FBXL13: variants seen among roughly 807,000 people sequenced by gnomAD.
FBXL13 encodes the protein F-box and leucine rich repeat protein 13, also known as F-box and leucine-rich repeat protein 13.
FBXL13 carries 67 observed loss-of-function variants against 83.6 expected under a neutral mutation model. The observed-to-expected ratio is 0.80, with a 90% CI of 0.66 to 0.98. FBXL13 has a LOEUF of 0.98. Among genes scored for constraint, FBXL13 ranks in the 50% least tolerant of loss-of-function variants. FBXL13 has a pLI of 0.00. For missense variants in FBXL13, 822 were observed against 866.5 expected, an observed-to-expected ratio of 0.95 and a Z score of 0.64; for synonymous variants, 272 against 299.5, an observed-to-expected ratio of 0.91 and a Z score of 0.95.
At chr7:102,934,593 CAGGG>C (rs752043474) in intron 8 of FBXL13, 3 of 1,614,116 alleles carry the variant, frequency 1.9e-6, no homozygotes, top group Non-Finnish European at 2.5e-6. Flanking sequence ...CCCCAAGTGT[CAGGG>C]AGACCCCCAG....
rs201535349 is a variant in FBXL13 at position 102,863,448 on chromosome 7, C to CT, written c.1636-8589dup. 1.7e-3 allele frequency among the ~76,000 whole-genome samples: 255 copies of CT among 146,198 alleles called. 2 individuals are homozygous for CT. The highest frequency in any genetic ancestry group is 6.3e-3 in the African/African-American group (248 of 39,648). ...AAACATAAGAAGGCTTCTTTCATGC[C>CT]TTTTTAATTTGTTTTTAAGGATAAA... is the stretch of plus-strand genomic sequence containing the variant. On this transcript the variant is annotated intron_variant, in intron 16 of 19. Transcript: ENST00000313221.
At chr7:102,921,595 G>T (rs1052773431) in intron 10 of FBXL13, among the ~76,000 whole-genome samples, 4 of 151,462 alleles carry the variant, frequency 2.6e-5, no homozygotes, top group African/African-American at 9.7e-5. Context: ...CAGGAAAATT[G>T]CTTGAACCCA....
At chr7:102,883,170 T>A (rs916276671) in intron 14 of FBXL13, 135 bp downstream of exon 15, 3 of 822,132 alleles carry the variant, frequency 3.6e-6, no homozygotes, top group Non-Finnish European at 5.4e-6. Flanking sequence ...TACAGAACTC[T>A]GCACTTACCT....
chr7:102,879,228 A>T (rs1809663152), intron 14 of FBXL13, among the ~76,000 whole-genome samples: 1 of 152,212 alleles, frequency 6.6e-6, no homozygotes, highest in Non-Finnish European at 1.5e-5. Flanking sequence ...GGGCGTACAG[A>T]TGGGAAGAAC....
chr7:102,913,289 A>C, intron 10 of FBXL13, 74 bp from the exon 12 acceptor site: 1 of 1,569,860 alleles, frequency 6.4e-7, no homozygotes, highest in South Asian at 1.2e-5. Flanking sequence ...AGCCACTATG[A>C]CAAAGAAAAC....
chr7:102,867,696 T>TATATA (rs1491494721), intron 16 of FBXL13, among the ~76,000 whole-genome samples: 3 of 35,796 alleles, frequency 8.4e-5, no homozygotes, highest in Admixed American at 3.1e-4. Flanking sequence ...TATATATATA[T>TATATA]TTTTTTTTTT....
At chr7:102,905,499 G>A (rs1813615199) in intron 11 of FBXL13, among the ~76,000 whole-genome samples, 1 of 152,074 alleles carries the variant, frequency 6.6e-6, no homozygotes, top group East Asian at 1.9e-4. Context: ...GTCCATGTGT[G>A]TCTTTATAGA....
At chr7:103,042,314 C>A (rs1472508056) in intron 2 of FBXL13, among the ~76,000 whole-genome samples, 1 of 151,954 alleles carries the variant, frequency 6.6e-6, no homozygotes, top group African/African-American at 2.4e-5. Flanking sequence ...CTGCTCAACA[C>A]AATAAAAGAG....
chr7:102,946,500 G>T, intron 8 of FBXL13, among the ~76,000 whole-genome samples: 1 of 152,166 alleles, frequency 6.6e-6, no homozygotes. Flanking sequence ...AAGTGGGGGA[G>T]CACTCGTGAG....
chr7:102,815,373 T>G (rs763897660), intron 19 of FBXL13, among the ~76,000 whole-genome samples: 3 of 152,240 alleles, frequency 2.0e-5, no homozygotes, highest in Non-Finnish European at 4.4e-5. Flanking sequence ...TGCATCTCCC[T>G]GAAACTCATC....
chr7:102,969,598 C>T (rs890880676), intron 6 of FBXL13, among the ~76,000 whole-genome samples: 5 of 152,020 alleles, frequency 3.3e-5, no homozygotes, highest in African/African-American at 1.2e-4. Context: ...TGCTTGAGGT[C>T]AGGAGTTCAA....
intron 1 of FBXL13, among the ~76,000 whole-genome samples, chr7:103,062,035 A>AC (rs1298367356): frequency 6.6e-6 from 1 of 151,176 alleles, no homozygotes; most frequent in Admixed American, 6.6e-5. Context: ...CAAAAAAAAA[A>AC]AAAAAAAAAC....
At chr7:102,913,403 C>T (rs847648) in intron 10 of FBXL13, among the ~76,000 whole-genome samples, 188 bp from the exon 12 acceptor site, 72,679 of 152,060 alleles carry the variant, frequency 0.48, 19,981 homozygotes, top group African/African-American at 0.77. Flanking sequence ...AGGTAACACA[C>T]AATACATTTA....
At chr7:102,913,109 G>C in exon 11 of FBXL13, 1 of 1,614,206 alleles carries the variant, frequency 6.2e-7, no homozygotes, top group Non-Finnish European at 8.5e-7. Flanking sequence ...GAGAGGTCCA[G>C]ATAGATGAGC....
chr7:103,074,637 T>C, upstream of FBXL13: 1 of 1,272,574 alleles, frequency 7.9e-7, no homozygotes, highest in South Asian at 1.2e-5. Context: ...CTTTCCTGAC[T>C]CCTCCCCCTT....
At chr7:102,836,025 A>G (rs1006842710) in intron 17 of FBXL13, among the ~76,000 whole-genome samples, 1 of 152,208 alleles carries the variant, frequency 6.6e-6, no homozygotes, top group African/African-American at 2.4e-5. Context: ...AGAATAATTT[A>G]TTGAAGGATG....
intron 9 of FBXL13, among the ~76,000 whole-genome samples, chr7:102,929,663 C>CAAAAAAA (rs35025022): frequency 1.1e-5 from 1 of 91,468 alleles, no homozygotes; most frequent in Non-Finnish European, 2.0e-5. Flanking sequence ...GACTCCATCT[C>CAAAAAAA]AAAAAAAAAA....
chr7:102,964,831 T>C lies in FBXL13; in HGVS notation c.592-1166A>G, dbSNP rs190403155. On this transcript the variant is annotated intron_variant, in intron 7 of 19. Transcript: ENST00000313221. ...AAACAGGATATTCACCACAGGATTT[T>C]ATTAACGAAAGATAGGAAACAACCT... 1.4e-4 allele frequency among the ~76,000 whole-genome samples: 21 copies of C among 152,326 alleles called. No individual in the cohort carries two copies. In the East Asian group the frequency reaches 4.0e-3, roughly 29 times the overall value.
intron 6 of FBXL13, among the ~76,000 whole-genome samples, chr7:103,014,022 G>A (rs1791959004): frequency 6.6e-6 from 1 of 151,984 alleles, no homozygotes; most frequent in African/African-American, 2.4e-5. Flanking sequence ...ATACACACAA[G>A]TTAGAAAACC....
Sources: allele counts gnomAD v4.1 joint callset (sites outside exome capture counted in the v4.1 genomes callset), GRCh38; gene constraint gnomAD v4.1.1; transcripts MANE v1.5; gene names NCBI Gene and HGNC (gene_info 2026-07-23, HGNC 2026-07-21).